The following NRXN3 variants were observed in gnomAD, a reference collection of about 807,000 sequenced individuals.
The protein encoded by NRXN3 is neurexin III.
A neutral mutation model predicts 137.6 loss-of-function variants in NRXN3; 32 were observed. That is an observed-to-expected ratio of 0.23 (90% confidence interval 0.18 to 0.31). The LOEUF is 0.31. Ranked by LOEUF, NRXN3 falls within the 10% of genes least tolerant of loss-of-function variation. The probability of loss-of-function intolerance (pLI) is 1.00; values close to 1 mark genes in which losing one functional copy is unlikely to be tolerated. For missense variants in NRXN3, 1,574 were observed against 2,062.5 expected (o/e 0.76, Z 4.59); for synonymous variants, 798 against 784.5 (o/e 1.02, Z -0.29).
chr14:78,314,899 CTTTCTTTCTTTCTTTCTTTCTTTCTT>C (rs2078419243), intron 4 of NRXN3, among the ~76,000 whole-genome samples: 3 of 97,488 alleles, frequency 3.1e-5, no homozygotes, highest in African/African-American at 1.6e-4. Flanking sequence ...CTTTCTCTTT[CTTTCTTTCTTTCTTTCTTTCTTTCTT>C]TCTTTCTTTC....
chr14:78,682,296 T>C (rs2098084339), intron 6 of NRXN3, among the ~76,000 whole-genome samples: 1 of 152,116 alleles, frequency 6.6e-6, no homozygotes, highest in South Asian at 2.1e-4. Flanking sequence ...TTCTGTTTAG[T>C]TCATGGATTA....
At chr14:79,733,803 A>G (rs748271306) in intron 19 of NRXN3, among the ~76,000 whole-genome samples, 2 of 152,086 alleles carry the variant, frequency 1.3e-5, no homozygotes, top group Non-Finnish European at 2.9e-5. Flanking sequence ...AGAAAAAATG[A>G]GAGTGTCTAA....
chr14:78,955,486 A>C (rs2099395307), intron 10 of NRXN3, among the ~76,000 whole-genome samples: 1 of 152,188 alleles, frequency 6.6e-6, no homozygotes, highest in South Asian at 2.1e-4. Context: ...ATGTAATCTA[A>C]AATGGTTTAT....
intron 15 of NRXN3, among the ~76,000 whole-genome samples, chr14:79,176,141 G>A (rs776626093): frequency 3.0e-4 from 46 of 152,252 alleles, no homozygotes; most frequent in Middle Eastern, 3.4e-3. Flanking sequence ...ATATGTGAAC[G>A]AACCAACCAC....
intron 8 of NRXN3, 79 bp downstream of exon 8, chr14:78,715,218 C>G (rs1237727873): frequency 3.3e-6 from 5 of 1,514,136 alleles, no homozygotes; most frequent in East Asian, 4.6e-5. Context: ...GCAGCCCAAG[C>G]CTTCGCACCT....
intron 19 of NRXN3, among the ~76,000 whole-genome samples, chr14:79,770,266 A>T (rs1256352076): frequency 4.6e-5 from 7 of 152,138 alleles, no homozygotes; most frequent in Non-Finnish European, 1.5e-5. Flanking sequence ...GCTCTGCACC[A>T]AGCGGACCTA....
At chr14:78,501,615 A>T (rs965355291) in intron 4 of NRXN3, among the ~76,000 whole-genome samples, 3 of 152,210 alleles carry the variant, frequency 2.0e-5, no homozygotes, top group African/African-American at 7.2e-5. Flanking sequence ...ACTAGGAGGT[A>T]GGGATTGTTG....
intron 15 of NRXN3, among the ~76,000 whole-genome samples, chr14:79,220,320 G>A (rs376879227): frequency 3.3e-5 from 5 of 152,206 alleles, no homozygotes; most frequent in African/African-American, 1.2e-4. Context: ...GAAGTTTTAG[G>A]TTCATAGTAA....
In NRXN3 at chr14:78,803,805, A is replaced by G. The variant is rs1455306126; in HGVS notation, c.2230A>G (p.Lys744Glu). The G allele has an allele frequency of 6.2e-7, 1 of 1,613,736 alleles. No homozygotes were observed. Reference protein sequence around the residue: ...LRLELDGGRVKLMVNLDCIRI... With the variant: ...LRLELDGGRVELMVNLDCIRI... ...TCTGGAGCTGGATGGGGGGCGTGTC[A>G]AGCTCATGGTTAACTTAGGTATCGT... The change falls in exon 9 of 21, where the codon AAG becomes GAG. Residue 744 changes from lysine to glutamate, a missense_variant. Lys to Glu is a moderately conservative substitution (Grantham distance 56). Transcript: ENST00000335750.
At chr14:79,801,329 T>A (rs1020800325) in intron 19 of NRXN3, among the ~76,000 whole-genome samples, 2 of 152,190 alleles carry the variant, frequency 1.3e-5, no homozygotes, top group Admixed American at 6.5e-5. Flanking sequence ...AAATAGTATG[T>A]GTACCATAAA....
chr14:78,874,450 A>G (rs2099108885), intron 10 of NRXN3, among the ~76,000 whole-genome samples: 1 of 152,184 alleles, frequency 6.6e-6, no homozygotes, highest in African/African-American at 2.4e-5. Flanking sequence ...CTATCAGGGA[A>G]AATTTTCAAC....
chr14:78,379,457 C>T (rs190071732), intron 4 of NRXN3, among the ~76,000 whole-genome samples: 1 of 152,230 alleles, frequency 6.6e-6, no homozygotes, highest in African/African-American at 2.4e-5. Flanking sequence ...AAATCTGGCT[C>T]AGCATTCAAA....
rs551991877 is a variant in NRXN3 at position 79,194,885 on chromosome 14, A to T, written c.3262+206744A>T. 1.1e-4 allele frequency among the ~76,000 whole-genome samples: 16 copies of T among 152,294 alleles called. No individual in the cohort carries two copies. The East Asian group carries it at 2.7e-3, about 26-fold the overall frequency. ...TGCCTGTAAGATATCTCATGTGATTAACTGATTTTTCTAATTTAAGGGAGT... is the reference window on the plus strand; with the variant it reads ...TGCCTGTAAGATATCTCATGTGATTTACTGATTTTTCTAATTTAAGGGAGT... On this transcript the variant is annotated intron_variant, in intron 15 of 20. Transcript: ENST00000335750.
At chr14:79,213,384 T>G (rs2067988613) in intron 15 of NRXN3, among the ~76,000 whole-genome samples, 1 of 152,196 alleles carries the variant, frequency 6.6e-6, no homozygotes, top group Admixed American at 6.5e-5. Flanking sequence ...AAGTTTAATT[T>G]GTCATGCTCA....
At chr14:79,610,927 C>T (rs2098090490) in intron 16 of NRXN3, among the ~76,000 whole-genome samples, 1 of 152,156 alleles carries the variant, frequency 6.6e-6, no homozygotes, top group Admixed American at 6.5e-5. Context: ...TGTAAATTCA[C>T]TGGGTGAAGA....
chr14:78,387,532 G>A (rs577465622), intron 4 of NRXN3, among the ~76,000 whole-genome samples: 6 of 152,314 alleles, frequency 3.9e-5, no homozygotes, highest in Admixed American at 1.3e-4. Flanking sequence ...TAATTGTAAA[G>A]CATTGCTACA....
At chr14:78,413,172 G>A (rs1362602559) in intron 4 of NRXN3, among the ~76,000 whole-genome samples, 1 of 152,170 alleles carries the variant, frequency 6.6e-6, no homozygotes, top group Admixed American at 6.5e-5. Context: ...GCAGGGCCAG[G>A]GAAGCTAAGC....
intron 20 of NRXN3, among the ~76,000 whole-genome samples, chr14:79,807,679 G>A (rs2099213608): frequency 3.9e-5 from 6 of 152,194 alleles, no homozygotes; most frequent in Admixed American, 3.9e-4. Context: ...CTGTAAGGGA[G>A]CATGAGAGGA....
chr14:78,447,462 A>G (rs1340808398), intron 4 of NRXN3, among the ~76,000 whole-genome samples: 2 of 152,206 alleles, frequency 1.3e-5, no homozygotes. Flanking sequence ...CTTTTTTAAT[A>G]TGTTGTTTGC....
Sources: allele counts gnomAD v4.1 joint callset (sites outside exome capture counted in the v4.1 genomes callset), GRCh38; gene constraint gnomAD v4.1.1; transcripts MANE v1.5; gene names NCBI Gene and HGNC (gene_info 2026-07-23, HGNC 2026-07-21).